ERG28: variants seen among roughly 807,000 people sequenced by gnomAD.
ERG28 encodes the protein ergosterol biosynthesis 28 homolog, also known as ergosterol biosynthetic protein 28 homolog.
A neutral mutation model predicts 15.7 loss-of-function variants in ERG28; 9 were observed. That is an observed-to-expected ratio of 0.57 (90% CI 0.35 to 1.00). The LOEUF (loss-of-function observed/expected upper bound fraction) is 1.00, where lower values mean the gene tolerates loss of function less well. ERG28 is among the 50% of genes least tolerant of loss of function. The probability of loss-of-function intolerance (pLI) is 0.02; values close to 1 mark genes in which losing one functional copy is unlikely to be tolerated. For missense variants in ERG28, 117 were observed against 173.3 expected (o/e 0.68, Z 1.82); for synonymous variants, 61 against 68.4 (o/e 0.89, Z 0.53).
chr14:75,659,254 G>A (rs1702170631), intron 1 of ERG28, among the ~76,000 whole-genome samples: 1 of 152,124 alleles, frequency 6.6e-6, no homozygotes, highest in African/African-American at 2.4e-5. Flanking sequence ...TTTTAATGAA[G>A]TTCCCATTTT....
chr14:75,654,751 T>C, intron 3 of ERG28, 135 bp downstream of exon 3: 1 of 971,186 alleles, frequency 1.0e-6, no homozygotes, highest in Non-Finnish European at 1.6e-6. Flanking sequence ...GAATGTAACC[T>C]GTGAGTTTTT....
Position 75,657,531 on chromosome 14 carries a change from T to C in ERG28, c.-29A>G. On this transcript the variant is annotated splice_region_variant and 5_prime_UTR_variant, in exon 2 of 5. Coordinates refer to ENST00000256319, the MANE Select transcript of ERG28 (RefSeq NM_007176.4). ...TCCCCTCAAACGTGGGAGGGCTTTT[T>C]GCCTTGGAAACAAAGGCAGAGGACA... 1.9e-6 allele frequency: 3 copies of C among 1,613,284 alleles called. No individual in the cohort carries two copies. The highest frequency in any genetic ancestry group is 2.5e-6 in the Non-Finnish European group (3 of 1,179,450).
intron 3 of ERG28, among the ~76,000 whole-genome samples, chr14:75,652,291 A>T (rs539838294): frequency 2.0e-5 from 3 of 152,238 alleles, no homozygotes; most frequent in Non-Finnish European, 2.9e-5. Flanking sequence ...GCATCTGGCC[A>T]TGCACTTGTC....
rs1170580956 is a variant in ERG28 at position 75,651,612 on chromosome 14, C to G, written c.366G>C (p.Leu122=). 1 of 1,613,686 alleles carries G rather than the reference C, an allele frequency of 6.2e-7. No homozygotes were observed. Among genetic ancestry groups the G allele is most frequent in the Admixed American group, 1.7e-5 (1 of 60,010 alleles). ...MVASFSILGM[L]VGLRYLEVEP... ...CTACTTCTAGATACCGGAGCCCGAC[C>G]AGCATACCCAGGATGGAGAAACCTT... The change falls in exon 5 of 5, where the codon CTG becomes CTC. Residue 122 remains leucine, a synonymous_variant. Transcript: ENST00000256319.
At chr14:75,653,619 A>G (rs1890558662) in intron 3 of ERG28, among the ~76,000 whole-genome samples, 1 of 152,014 alleles carries the variant, frequency 6.6e-6, no homozygotes, top group South Asian at 2.1e-4. Flanking sequence ...AAAAAAAAAA[A>G]AAAGAGATAA....
chr14:75,659,353 ATTATTTAT>A (rs377389583), intron 1 of ERG28, among the ~76,000 whole-genome samples: 1 of 152,008 alleles, frequency 6.6e-6, no homozygotes, highest in Non-Finnish European at 1.5e-5. Context: ...TTTTTAATTT[ATTATTTAT>A]TTATTTATTT....
At chr14:75,658,707 G>A (rs1305341859) in intron 1 of ERG28, among the ~76,000 whole-genome samples, 3 of 152,114 alleles carry the variant, frequency 2.0e-5, no homozygotes, top group African/African-American at 7.2e-5. Flanking sequence ...CATGTGTCAG[G>A]ACAACCTTCA....
At chr14:75,652,461 G>A (rs1387303748) in intron 3 of ERG28, among the ~76,000 whole-genome samples, 1 of 152,222 alleles carries the variant, frequency 6.6e-6, no homozygotes, top group African/African-American at 2.4e-5. Context: ...AACCTCATGG[G>A]AAAAGAACTT....
At chr14:75,656,768 CCTT>C (rs1413835674) in intron 2 of ERG28, among the ~76,000 whole-genome samples, 1 of 152,066 alleles carries the variant, frequency 6.6e-6, no homozygotes, top group Non-Finnish European at 1.5e-5. Context: ...CTGCCATGGG[CCTT>C]CTTAAGTTTC....
Position 75,651,897 on chromosome 14 carries a change from G to A in ERG28, c.225-8C>T, listed in dbSNP as rs1274541399. The A allele has an allele frequency of 6.3e-7, 1 of 1,588,802 alleles. No homozygotes were observed. Among genetic ancestry groups the A allele is most frequent in the African/African-American group, 1.3e-5 (1 of 74,468 alleles). On this transcript the variant is annotated splice_polypyrimidine_tract_variant and splice_region_variant and intron_variant, in intron 3 of 4. Transcript: ENST00000256319. ...AGTGTGATGTGATAGAGCCTATAAG[G>A]AAGCAGACAGAAATGGGAACCAAAG...
At chr14:75,656,285 C>G (rs1395212911) in intron 2 of ERG28, among the ~76,000 whole-genome samples, 1 of 102,248 alleles carries the variant, frequency 9.8e-6, no homozygotes, top group African/African-American at 4.9e-5. Flanking sequence ...GCTGAACACA[C>G]ACACACACAC....
rs757471294 is a variant in ERG28 at position 75,657,351 on chromosome 14, A to G, written c.133+19T>C. 1.2e-6 allele frequency: 2 copies of G among 1,613,732 alleles called. No homozygotes were observed. The highest frequency in any genetic ancestry group is 2.7e-5 in the African/African-American group (2 of 74,908). On this transcript the variant is annotated intron_variant, in intron 2 of 4. Transcript: ENST00000256319. ...CCTATAAGTCCTATAAAGGATGCAG[A>G]AATTCTTTGATTTCTTACCAAGGTT... is the stretch of plus-strand genomic sequence containing the variant.
intron 2 of ERG28, among the ~76,000 whole-genome samples, chr14:75,656,009 C>T (rs928313468): frequency 6.6e-6 from 1 of 152,142 alleles, no homozygotes; most frequent in African/African-American, 2.4e-5. Flanking sequence ...ATTCACAATA[C>T]TGAAGACCAT....
chr14:75,651,421 A>C lies in ERG28; in HGVS notation c.*134T>G. ...AGTATGCATATCTTTAAATTTTAAA[A>C]ATTAAAAAAAGAGGCTAAAAGTGAA... On this transcript the variant is annotated 3_prime_UTR_variant, in exon 5 of 5. Coordinates refer to ENST00000256319, the MANE Select transcript of ERG28 (RefSeq NM_007176.4). The C allele has an allele frequency of 1.2e-6, 1 of 856,498 alleles. No homozygotes were observed. Among genetic ancestry groups the C allele is most frequent in the Non-Finnish European group, 1.8e-6 (1 of 552,064 alleles). The allele number at this position is 856,498 out of a possible 1,614,324, so 53.1% of individuals were successfully genotyped here.
At position 75,658,075 on chromosome 14, in the gene ERG28, C is replaced by T. The variant is rs553028968; in HGVS notation, c.-31-542G>A. ...AAGCCCATCACGGACTGAACAGAGC[C>T]CCTCTTGGCCTAGGGGACCCCAGAA... On this transcript the variant is annotated intron_variant, in intron 1 of 4. Transcript: ENST00000256319. Among the ~76,000 whole-genome samples the T allele has an allele frequency of 2.6e-4, 40 of 152,272 alleles. No homozygotes were observed. In the East Asian group the frequency reaches 6.9e-3, roughly 26 times the overall value.
rs57701138 is a variant in ERG28, at chr14:75,658,352, GT to G, written c.-31-820del. Among the ~76,000 whole-genome samples, 169 of 150,212 alleles carry G rather than the reference GT, an allele frequency of 1.1e-3. 3 individuals are homozygous for G. In the Middle Eastern group the frequency reaches 0.014, roughly 12 times the overall value. On this transcript the variant is annotated intron_variant, in intron 1 of 4. Transcript: ENST00000256319. ...AATAAAAGTTATATTCTGCCACAAG[GT>G]TTTTTTTTTCTCCAGCAGCTAGATG...
Position 75,651,131 on chromosome 14 carries a change from GCAGCCCT to G in ERG28, c.*417_*423del. On this transcript the variant is annotated 3_prime_UTR_variant, in exon 5 of 5. Transcript: ENST00000256319. ...CAACCTGCGTGGACAACCCCTTGAG[GCAGCCCT>G]TGGTCACAGCTGCTCTGGGTGGGCA... The G allele has an allele frequency of 4.9e-5, 8 of 162,508 alleles. No homozygotes were observed. Among genetic ancestry groups the G allele is most frequent in the South Asian group, 1.6e-4 (1 of 6,388 alleles). The allele number at this position is 162,508 out of a possible 1,614,324, so 10.1% of individuals were successfully genotyped here. A position where few individuals can be genotyped will look rare whatever the true frequency, so the allele number is the denominator to read the frequency against.
intron 2 of ERG28, among the ~76,000 whole-genome samples, chr14:75,656,295 CA>C (rs1346674097): frequency 2.7e-5 from 4 of 147,898 alleles, no homozygotes; most frequent in Non-Finnish European, 5.9e-5. Context: ...CACACACACA[CA>C]CACACACACA....
In ERG28 at chr14:75,651,609, G is replaced by A. The variant is rs781227300; in HGVS notation, c.369C>T (p.Val123=). ...VASFSILGML[V]GLRYLEVEPV... ...GTTCTACTTCTAGATACCGGAGCCC[G>A]ACCAGCATACCCAGGATGGAGAAAC... The change falls in exon 5 of 5, where the codon GTC becomes GTT. Residue 123 remains valine (V), a synonymous_variant. Coordinates refer to ENST00000256319, the MANE Select transcript of ERG28 (RefSeq NM_007176.4). 8 of 1,613,482 alleles carry A rather than the reference G, an allele frequency of 5.0e-6. No individual in the cohort carries two copies. Among genetic ancestry groups the A allele is most frequent in the African/African-American group, 1.3e-5 (1 of 74,914 alleles).
Sources: gnomAD v4.1 joint callset for allele counts (sites outside exome capture counted in the v4.1 genomes callset) on GRCh38, gnomAD v4.1.1 for gene constraint, MANE v1.5 for transcripts, NCBI Gene and HGNC (gene_info 2026-07-23, HGNC 2026-07-21) for gene names.